Variants in PLXNB2 observed in about 807,000 individuals in gnomAD.
PLXNB2 encodes plexin-B2.
PLXNB2 carries 85 observed loss-of-function variants against 202.6 expected under a neutral mutation model. That is an observed-to-expected ratio of 0.42 (90% CI 0.35 to 0.50). The LOEUF is 0.50. Among genes scored for constraint, PLXNB2 ranks in the 20% least tolerant of loss-of-function variants. The probability of loss-of-function intolerance (pLI) is 0.02; values close to 1 mark genes in which losing one functional copy is unlikely to be tolerated. For synonymous variants in PLXNB2, 1,239 were observed against 1,137.6 expected, an observed-to-expected ratio of 1.09 and a Z score of -1.79; for missense variants, 2,063 against 2,586.2, an observed-to-expected ratio of 0.80 and a Z score of 4.39.
Position 50,282,198 on chromosome 22 carries a change from G to T in PLXNB2, c.3103C>A (p.Leu1035Met). Residue 1035 changes from leucine to methionine, a missense_variant, in exon 19 of 37, where the codon CTG (leucine) becomes ATG (methionine). Leu to Met is a conservative substitution (Grantham distance 15). Coordinates refer to ENST00000359337, the MANE Select transcript of PLXNB2 (RefSeq NM_012401.4). ...SWQPPREAES[L>M]QPMTVVGTDY... ...CCAGGACTGACCGTCATGGGCTGCA[G>T]GGATTCAGCCTCCCGCGGCGGCTGC... is the stretch of plus-strand genomic sequence containing the variant. The T allele has an allele frequency of 6.2e-7, 1 of 1,610,912 alleles. No individual in the cohort carries two copies. Among genetic ancestry groups the T allele is most frequent in the Non-Finnish European group, 8.5e-7 (1 of 1,179,370 alleles).
At chr22:50,298,475 A>G (rs1036742799) in intron 1 of PLXNB2, among the ~76,000 whole-genome samples, 5 of 151,952 alleles carry the variant, frequency 3.3e-5, no homozygotes, top group Admixed American at 2.0e-4. Context: ...AGGGGGAAGG[A>G]CAGAGCCCTA....
intron 27 of PLXNB2, 50 bp downstream of exon 27, chr22:50,279,580 C>CT: frequency 6.3e-7 from 1 of 1,592,552 alleles, no homozygotes; most frequent in Non-Finnish European, 8.6e-7. Flanking sequence ...GCCCAAGCTC[C>CT]TTAGCCCAGA....
intron 1 of PLXNB2, among the ~76,000 whole-genome samples, chr22:50,306,197 G>T (rs750000001): frequency 2.0e-5 from 3 of 152,154 alleles, no homozygotes; most frequent in Non-Finnish European, 4.4e-5. Flanking sequence ...TCCTCTACTG[G>T]GGCAAGGAAC....
chr22:50,284,029 GC>G lies in PLXNB2; in HGVS notation c.2264-40del. On this transcript the variant is annotated intron_variant, in intron 13 of 36. Transcript: ENST00000359337. The surrounding 1 kb of genome is among the most constrained non-coding windows in gnomAD (Gnocchi z 8.0). ...TGCCGTCAGTGGTCACCCCGTGCCT[GC>G]CCGCCCCCGACCTGCTCCCCACTGC... The G allele has an allele frequency of 6.6e-7, 1 of 1,521,922 alleles. No homozygotes were observed. Among genetic ancestry groups the G allele is most frequent in the South Asian group, 1.2e-5 (1 of 81,908 alleles). 94.3% of individuals were successfully genotyped at this position (1,521,922 alleles called of 1,614,324 possible). A position where few individuals can be genotyped will look rare whatever the true frequency, so the allele number is the denominator to read the frequency against.
At chr22:50,286,329 G>T in intron 8 of PLXNB2, 42 bp from the exon 9 acceptor site, 1 of 1,452,384 alleles carries the variant, frequency 6.9e-7, no homozygotes, top group Admixed American at 1.7e-5. Context: ...GGCGGCCGCA[G>T]GGCCGAGGGC....
chr22:50,306,889 G>C (rs1157050017), intron 1 of PLXNB2, among the ~76,000 whole-genome samples: 5 of 152,236 alleles, frequency 3.3e-5, no homozygotes, highest in African/African-American at 1.2e-4. Flanking sequence ...GGGCTCCCCA[G>C]ATCTGCCGAA....
chr22:50,295,623 C>T (rs1382240826), intron 1 of PLXNB2, among the ~76,000 whole-genome samples: 2 of 152,178 alleles, frequency 1.3e-5, no homozygotes, highest in African/African-American at 4.8e-5. Flanking sequence ...ACCCAGGGTG[C>T]TTCTCCGCAT....
At chr22:50,303,572 G>C (rs529655855) in intron 1 of PLXNB2, among the ~76,000 whole-genome samples, 1 of 152,374 alleles carries the variant, frequency 6.6e-6, no homozygotes, top group South Asian at 2.1e-4. Flanking sequence ...TCAGGGGGCC[G>C]TGTTCACACA....
In PLXNB2 at chr22:50,297,349, C is replaced by T. The variant is rs1269555679; in HGVS notation, c.-73-2571G>A. 6.6e-6 allele frequency among the ~76,000 whole-genome samples: 1 copy of T among 152,124 alleles called. No homozygotes were observed. Among genetic ancestry groups the T allele is most frequent in the Non-Finnish European group, 1.5e-5 (1 of 68,012 alleles). ...CTGTCCCGCCCATCCCGCACGCCCT[C>T]GAACAACCTCCCCTGAGTGATCGAT... is the stretch of plus-strand genomic sequence containing the variant. On this transcript the variant is annotated intron_variant, in intron 1 of 36. Coordinates refer to ENST00000359337, the MANE Select transcript of PLXNB2 (RefSeq NM_012401.4). This position sits in a 1 kb window ranked among gnomAD's most constrained non-coding sequence, Gnocchi z 5.3.
Position 50,290,380 on chromosome 22 carries a change from T to C in PLXNB2, c.205A>G (p.Thr69Ala). The change falls in exon 3 of 37, where the codon ACG becomes GCG. Residue 69 changes from threonine to alanine, a missense_variant. Thr to Ala is a moderately conservative substitution (Grantham distance 58). Around this residue, in one of 2 missense-constraint regions of PLXNB2, gnomAD observed 1,303 missense variants for 1,476.8 expected, o/e 0.88. Transcript: ENST00000359337. The stretch of plus-strand genomic sequence containing the variant: ...TTCTTGTTGTCCAGGGCCGGGCCCG[T>C]GGCCACCTGCTGCTCCAGCTGCAGC... ...AKLQLEQQVA[T>A]GPALDNKKCT... 1 of 1,612,924 alleles carries C rather than the reference T, an allele frequency of 6.2e-7. No individual in the cohort carries two copies. Among genetic ancestry groups the C allele is most frequent in the Non-Finnish European group, 8.5e-7 (1 of 1,179,988 alleles).
chr22:50,290,211 A>T lies in PLXNB2; in HGVS notation c.374T>A (p.Leu125Gln), dbSNP rs1360874782. ...GAACAGGCGGAGGGAGATGTTGCTCAGGGCGCGCAGAGCGCAGATGCCCTT... is the reference window on the plus strand; with the variant it reads ...GAACAGGCGGAGGGAGATGTTGCTCTGGGCGCGCAGAGCGCAGATGCCCTT... Reference protein sequence around the residue: ...LFKGICALRALSNISLRLFYE... With the variant: ...LFKGICALRAQSNISLRLFYE... Residue 125 changes from leucine (L) to glutamine (Q), a missense_variant, in exon 3 of 37, where the codon CTG becomes CAG. Physicochemically the swap from Leu to Gln is moderately radical, Grantham distance 113. Transcript: ENST00000359337. 5 of 1,612,344 alleles carry T rather than the reference A, an allele frequency of 3.1e-6. No homozygotes were observed. The highest frequency in any genetic ancestry group is 1.7e-5 in the Admixed American group (1 of 60,022).
intron 1 of PLXNB2, among the ~76,000 whole-genome samples, chr22:50,296,970 G>C (rs996555227): frequency 6.6e-6 from 1 of 152,214 alleles, no homozygotes; most frequent in Non-Finnish European, 1.5e-5. Flanking sequence ...CCAAAGGGCT[G>C]GGGAGAGGAT....
At chr22:50,295,350 C>T (rs1220480155) in intron 1 of PLXNB2, among the ~76,000 whole-genome samples, 1 of 150,892 alleles carries the variant, frequency 6.6e-6, no homozygotes, top group African/African-American at 2.4e-5. Context: ...AAAATACGCA[C>T]ACCCATGACC....
At chr22:50,282,436 G>A (rs923509926) in intron 18 of PLXNB2, 123 bp from the exon 19 acceptor site, 30 of 1,073,868 alleles carry the variant, frequency 2.8e-5, no homozygotes, top group African/African-American at 4.8e-5. Flanking sequence ...TGTGGGTCTC[G>A]GTGGGCAAAG....
Position 50,276,430 on chromosome 22 carries a change from T to TGTGGGCACGGCCGA in PLXNB2, c.5337+198_5337+199insTCGGCCGTGCCCAC, listed in dbSNP as rs1555917018. Among the ~76,000 whole-genome samples, 3 of 3,524 alleles carry TGTGGGCACGGCCGA rather than the reference T, an allele frequency of 8.5e-4. No homozygotes were observed. The Admixed American group carries it at 9.7e-3, about 11-fold the overall frequency. The allele number at this position is 3,524 out of a possible 152,430, so 2.3% of individuals were successfully genotyped here. On this transcript the variant is annotated intron_variant, in intron 35 of 36. Coordinates refer to ENST00000359337, the MANE Select transcript of PLXNB2 (RefSeq NM_012401.4). The stretch of plus-strand genomic sequence containing the variant: ...GGGAGGGGGCGCTGTGGGCAGGGCC[T>TGTGGGCACGGCCGA]GGCTCCAAGCAGGAGCAGCTCATAC...
Position 50,280,684 on chromosome 22 carries a change from C to G in PLXNB2, c.3994-14G>C, listed in dbSNP as rs199831357. On this transcript the variant is annotated splice_polypyrimidine_tract_variant and intron_variant, in intron 24 of 36. Coordinates refer to ENST00000359337, the MANE Select transcript of PLXNB2 (RefSeq NM_012401.4). ...GGTGTGGATGAACTGTAGGGGCCGG[C>G]GGTCAAAGCCTGCCCGGCGCCACCT... is the stretch of plus-strand genomic sequence containing the variant. 2 of 1,607,418 alleles carry G rather than the reference C, an allele frequency of 1.2e-6. No individual in the cohort carries two copies. The highest frequency in any genetic ancestry group is 2.2e-5 in the South Asian group (2 of 90,594).
At chr22:50,286,558 T>C (rs1034489535) in intron 8 of PLXNB2, among the ~76,000 whole-genome samples, 1 of 152,174 alleles carries the variant, frequency 6.6e-6, no homozygotes, top group African/African-American at 2.4e-5. Context: ...CGGGCTTGCC[T>C]TTCTCCCCCG....
chr22:50,306,679 GCCCACCCTCACC>G (rs1343227713), intron 1 of PLXNB2, among the ~76,000 whole-genome samples: 35 of 141,228 alleles, frequency 2.5e-4, no homozygotes, highest in Admixed American at 5.7e-4. Context: ...CGGGTTTGGG[GCCCACCCTCACC>G]CTCACCCTCA....
At chr22:50,276,430 T>TGGGTGCAGCCGCAGGGAGGG (rs1601667928) in intron 35 of PLXNB2, among the ~76,000 whole-genome samples, 199 bp downstream of exon 35, 5 of 3,532 alleles carry the variant, frequency 1.4e-3, no homozygotes, top group South Asian at 0.01. Flanking sequence ...GGGCAGGGCC[T>TGGGTGCAGCCGCAGGGAGGG]GGCTCCAAGC....
Sources: gnomAD v4.1 joint callset for allele counts (sites outside exome capture counted in the v4.1 genomes callset) on GRCh38, gnomAD v4.1.1 for gene constraint, gnomAD v4.1.1 regional missense constraint, Gnocchi (gnomAD v3.1) non-coding constraint, MANE v1.5 for transcripts, NCBI Gene and HGNC (gene_info 2026-07-23, HGNC 2026-07-21) for gene names.